The following HDAC9 variants were observed in gnomAD, a reference collection of about 807,000 sequenced individuals.
HDAC9 encodes histone deacetylase 9.
HDAC9 carries 41 observed loss-of-function variants against 139.4 expected under a neutral mutation model. That is an observed-to-expected ratio of 0.29 (90% CI 0.23 to 0.38). The LOEUF is 0.38. HDAC9 is among the 10% of genes least tolerant of loss of function. The probability of loss-of-function intolerance (pLI) is 1.00; values close to 1 mark genes in which losing one functional copy is unlikely to be tolerated. For missense variants in HDAC9, 1,147 were observed against 1,297.0 expected (o/e 0.88, Z 1.78); for synonymous variants, 517 against 476.2 (o/e 1.09, Z -1.12).
chr7:18,582,064 C>G (rs568845510), intron 2 of HDAC9, among the ~76,000 whole-genome samples: 4 of 152,310 alleles, frequency 2.6e-5, no homozygotes, highest in Non-Finnish European at 5.9e-5. Context: ...TGCACATGGA[C>G]ATTCAACTCA....
intron 2 of HDAC9, among the ~76,000 whole-genome samples, chr7:18,581,038 T>C (rs1334227129): frequency 1.3e-5 from 2 of 152,154 alleles, no homozygotes; most frequent in Non-Finnish European, 2.9e-5. Flanking sequence ...GATATGATTA[T>C]GATTAGGCAG....
intron 21 of HDAC9, among the ~76,000 whole-genome samples, chr7:18,845,216 G>C (rs952047786): frequency 4.6e-5 from 7 of 152,074 alleles, no homozygotes; most frequent in African/African-American, 1.7e-4. Context: ...TCACTCACCT[G>C]TTAATTTACT....
chr7:18,536,425 T>A (rs942770281), intron 2 of HDAC9, among the ~76,000 whole-genome samples: 3 of 152,180 alleles, frequency 2.0e-5, no homozygotes, highest in Non-Finnish European at 4.4e-5. Context: ...GAAAGAACTA[T>A]TTAGATTTGG....
chr7:18,840,331 T>C (rs1208124099), intron 21 of HDAC9, among the ~76,000 whole-genome samples: 9 of 152,038 alleles, frequency 5.9e-5, no homozygotes, highest in Non-Finnish European at 1.2e-4. Context: ...TGTTGATGCA[T>C]ATTTTCAATA....
intron 13 of HDAC9, among the ~76,000 whole-genome samples, chr7:18,739,650 G>C (rs988486546): frequency 6.6e-6 from 1 of 152,182 alleles, no homozygotes; most frequent in Non-Finnish European, 1.5e-5. Flanking sequence ...TCTTCCCAGA[G>C]AGGCAGCTGC....
At chr7:18,377,076 G>A (rs1342641442) in intron 1 of HDAC9, among the ~76,000 whole-genome samples, 2 of 152,116 alleles carry the variant, frequency 1.3e-5, no homozygotes, top group Non-Finnish European at 2.9e-5. Flanking sequence ...TGTTCTTATA[G>A]CAACAGAAAT....
At chr7:18,584,315 A>T (rs1411700066) in intron 2 of HDAC9, among the ~76,000 whole-genome samples, 1 of 151,726 alleles carries the variant, frequency 6.6e-6, no homozygotes, top group African/African-American at 2.4e-5. Context: ...TTTTTAGTAG[A>T]GAAGGGGTTT....
At chr7:18,860,912 C>G (rs78454685) in intron 21 of HDAC9, among the ~76,000 whole-genome samples, 1 of 152,154 alleles carries the variant, frequency 6.6e-6, no homozygotes, top group Admixed American at 6.6e-5. Flanking sequence ...CCTTGTAGCT[C>G]AGCCTCAGTT....
intron 1 of HDAC9, among the ~76,000 whole-genome samples, chr7:18,357,450 T>C (rs1259837904): frequency 1.3e-5 from 2 of 152,090 alleles, no homozygotes; most frequent in Non-Finnish European, 2.9e-5. Flanking sequence ...CCTTGTTTGG[T>C]TGTTTATTGA....
chr7:18,693,579 A>T (rs1321452169), intron 12 of HDAC9, among the ~76,000 whole-genome samples: 10 of 152,142 alleles, frequency 6.6e-5, no homozygotes. Context: ...GCACAAATTG[A>T]GCAATTGTCC....
chr7:18,727,870 C>G, intron 13 of HDAC9, 113 bp downstream of exon 13: 1 of 763,484 alleles, frequency 1.3e-6, no homozygotes, highest in Non-Finnish European at 1.9e-6. Flanking sequence ...CCATTTTAAC[C>G]CAGTGCAACC....
chr7:18,585,190 A>T, intron 2 of HDAC9, 91 bp from the exon 3 acceptor site: 1 of 1,437,806 alleles, frequency 7.0e-7, no homozygotes, highest in Non-Finnish European at 9.6e-7. Context: ...ACAGGGTCTT[A>T]TACTTTTTAT....
intron 2 of HDAC9, among the ~76,000 whole-genome samples, chr7:18,236,197 C>G (rs115199802): frequency 0.016 from 2,496 of 152,284 alleles, 68 homozygotes; most frequent in African/African-American, 0.056. Context: ...AGACCTCCTG[C>G]AGCATCAGCA....
In HDAC9 at chr7:18,590,814, G is replaced by T. The variant is rs549247512; in HGVS notation, c.415+328G>T. On this transcript the variant is annotated intron_variant, in intron 4 of 25. Transcript: ENST00000686413. ...TAATCAGCTTGTATCCACATCTCCT[G>T]ACTATGCCTTCCTTACTCCTGGCCA... Among the ~76,000 whole-genome samples, 12 of 152,184 alleles carry T rather than the reference G, an allele frequency of 7.9e-5. No individual in the cohort carries two copies. In the South Asian group the frequency reaches 2.1e-3, roughly 26 times the overall value.
At chr7:18,801,538 A>T (rs542941356) in intron 17 of HDAC9, among the ~76,000 whole-genome samples, 2 of 152,190 alleles carry the variant, frequency 1.3e-5, no homozygotes, top group Admixed American at 1.3e-4. Context: ...AATTACTGAA[A>T]TTGGTCTGTA....
intron 2 of HDAC9, among the ~76,000 whole-genome samples, chr7:18,536,160 T>A (rs560232253): frequency 6.6e-6 from 1 of 152,346 alleles, no homozygotes; most frequent in Non-Finnish European, 1.5e-5. Context: ...ACTGGCAGAA[T>A]TGATGTGTAA....
At chr7:18,960,144 G>A (rs764055690) in intron 24 of HDAC9, among the ~76,000 whole-genome samples, 1 of 151,996 alleles carries the variant, frequency 6.6e-6, no homozygotes. Context: ...TGTTGCAGGG[G>A]AATGTTACAA....
intron 12 of HDAC9, among the ~76,000 whole-genome samples, chr7:18,705,684 C>T (rs1370331620): frequency 1.3e-5 from 2 of 151,418 alleles, no homozygotes; most frequent in Non-Finnish European, 2.9e-5. Context: ...AACCCCGTTT[C>T]TACTAAAAAA....
At chr7:18,456,456 G>A (rs754473374) in intron 1 of HDAC9, among the ~76,000 whole-genome samples, 14 of 152,130 alleles carry the variant, frequency 9.2e-5, no homozygotes, top group Non-Finnish European at 2.1e-4. Flanking sequence ...GGCTGATCTC[G>A]AACTCTTGAC....
Sources: gnomAD v4.1 joint callset for allele counts (sites outside exome capture counted in the v4.1 genomes callset) on GRCh38, gnomAD v4.1.1 for gene constraint, MANE v1.5 for transcripts, NCBI Gene and HGNC (gene_info 2026-07-23, HGNC 2026-07-21) for gene names.